ACVR1B: variants seen among roughly 807,000 people sequenced by gnomAD.
ACVR1B encodes the protein activin A receptor type 1B.
In ACVR1B, 15 loss-of-function variants were observed where a neutral mutation model predicts 55.6. The ratio of observed to expected loss-of-function variants is 0.27; its 90% CI spans 0.18 to 0.42. The LOEUF is 0.42. ACVR1B is among the 10% of genes least tolerant of loss of function. ACVR1B has a pLI of 1.00. For missense variants in ACVR1B, 359 were observed against 670.1 expected, an observed-to-expected ratio of 0.54 and a Z score of 5.13; for synonymous variants, 247 against 254.6, an observed-to-expected ratio of 0.97 and a Z score of 0.28.
rs761131576 is a variant in ACVR1B, at chr12:51,975,352, A to T, written c.179A>T (p.Asp60Val). 1 of 1,614,170 alleles carries T rather than the reference A, an allele frequency of 6.2e-7. No homozygotes were observed. Among genetic ancestry groups the T allele is most frequent in the Non-Finnish European group, 8.5e-7 (1 of 1,180,034 alleles). The part of the protein sequence containing the change: ...GACMVSIFNL[D>V]GMEHHVRTCI... ...TGCATGGTTTCCATTTTCAATCTGG[A>T]TGGGATGGAGCACCATGTGCGCACC... Residue 60 changes from aspartate to valine, a missense_variant, in exon 2 of 9, where the codon GAT becomes GTT. Asp to Val is a radical substitution (Grantham distance 152). Coordinates refer to ENST00000257963, the MANE Select transcript of ACVR1B (RefSeq NM_004302.5).
intron 1 of ACVR1B, among the ~76,000 whole-genome samples, chr12:51,961,574 TTC>T (rs1941527975): frequency 6.6e-6 from 1 of 152,210 alleles, no homozygotes; most frequent in African/African-American, 2.4e-5. Flanking sequence ...TTTGGCTGAT[TTC>T]TTTTTTCCTT....
chr12:51,961,135 G>C (rs1282527075), intron 1 of ACVR1B, among the ~76,000 whole-genome samples: 2 of 152,116 alleles, frequency 1.3e-5, no homozygotes, highest in Non-Finnish European at 2.9e-5. Context: ...CATCCTCTCT[G>C]CTTTTCCCCT....
At chr12:51,987,794 G>T (rs2120722112) in intron 7 of ACVR1B, 1 of 152,514 alleles carries the variant, frequency 6.6e-6, no homozygotes, top group Admixed American at 6.5e-5. Flanking sequence ...GCACCACAGG[G>T]TGACTATAGT....
chr12:51,962,520 C>A (rs1296587379), intron 1 of ACVR1B, among the ~76,000 whole-genome samples: 1 of 151,414 alleles, frequency 6.6e-6, no homozygotes, highest in East Asian at 1.9e-4. Context: ...GTCTTTTTTT[C>A]TTTTAACCAA....
At chr12:51,981,258 G>A in intron 4 of ACVR1B, 59 bp downstream of exon 4, 17 of 1,416,820 alleles carry the variant, frequency 1.2e-5, no homozygotes, top group Non-Finnish European at 1.6e-5. Flanking sequence ...AAAGTGCATA[G>A]CTATGGGGTG....
intron 3 of ACVR1B, 145 bp from the exon 4 acceptor site, chr12:51,980,824 G>T: frequency 1.5e-6 from 1 of 656,794 alleles, no homozygotes; most frequent in African/African-American, 1.8e-5. Context: ...AAATGTGTAT[G>T]GGCAGCAGCA....
At chr12:51,992,170 G>C in intron 8 of ACVR1B, 177 bp downstream of exon 8, 1 of 797,396 alleles carries the variant, frequency 1.3e-6, no homozygotes. Context: ...TCTTGTCCTG[G>C]ACCCTGTAGG....
At chr12:51,993,869 G>GTGGATC in intron 8 of ACVR1B, 116 bp from the exon 9 acceptor site, 1 of 1,311,200 alleles carries the variant, frequency 7.6e-7, no homozygotes, top group Non-Finnish European at 1.0e-6. Flanking sequence ...CCGGGTGGAT[G>GTGGATC]TGGATCTGCC....
At chr12:51,992,331 C>A in intron 8 of ACVR1B, 1 of 391,512 alleles carries the variant, frequency 2.6e-6, no homozygotes, top group Non-Finnish European at 4.6e-6. Context: ...GTGGGGAGAC[C>A]CCATCTCTAC....
rs145530385 is a variant in ACVR1B, at chr12:51,970,415, T to C, written c.92-4850T>C. Among the ~76,000 whole-genome samples the C allele has an allele frequency of 2.8e-3, 428 of 152,350 alleles. 5 individuals carry two copies. Among genetic ancestry groups the C allele is most frequent in the Admixed American group, 0.021 (325 of 15,300 alleles). ...AGACAGCTATACCTGCCTCAGCTCG[T>C]GAGTTCCTGTGGGGATCACAGGAGA... On this transcript the variant is annotated intron_variant, in intron 1 of 8. Transcript: ENST00000257963.
intron 4 of ACVR1B, chr12:51,982,787 G>A (rs1252482169): frequency 2.3e-5 from 35 of 1,527,786 alleles, no homozygotes; most frequent in Non-Finnish European, 2.7e-5. Context: ...AAGGGGAAGA[G>A]CAAGATTTTT....
chr12:51,975,493 G>A lies in ACVR1B; in HGVS notation c.320G>A (p.Arg107Lys). The A allele has an allele frequency of 1.2e-6, 2 of 1,613,966 alleles. No homozygotes were observed. The highest frequency in any genetic ancestry group is 1.7e-6 in the Non-Finnish European group (2 of 1,179,820). Reference protein sequence around the residue: ...YTDYCNRIDLRVPSGHLKEPE... With the variant: ...YTDYCNRIDLKVPSGHLKEPE... ...GACTACTGCAACAGGATCGACTTGA[G>A]GGTGCCCAGTGGTGAGTGCATGCCC... The change falls in exon 2 of 9, where the codon AGG becomes AAG. Residue 107 changes from arginine (R) to lysine (K), a missense_variant. Around this residue, in one of 5 missense-constraint regions of ACVR1B, gnomAD observed 133 missense variants for 188.2 expected, o/e 0.71. Coordinates refer to ENST00000257963, the MANE Select transcript of ACVR1B (RefSeq NM_004302.5).
intron 1 of ACVR1B, among the ~76,000 whole-genome samples, chr12:51,972,125 A>G (rs1941756347): frequency 6.6e-6 from 1 of 152,202 alleles, no homozygotes; most frequent in Non-Finnish European, 1.5e-5. Flanking sequence ...AAAATATATT[A>G]GCTGGGCGTG....
At position 51,985,340 on chromosome 12, in the gene ACVR1B, G is replaced by T; in HGVS notation, c.1128G>T (p.Gly376=). The T allele has an allele frequency of 6.2e-7, 1 of 1,611,624 alleles. No homozygotes were observed. Among genetic ancestry groups the T allele is most frequent in the South Asian group, 1.1e-5 (1 of 90,682 alleles). The change falls in exon 6 of 9, where the codon GGG becomes GGT. Residue 376 remains glycine (G), a synonymous_variant. Coordinates refer to ENST00000257963, the MANE Select transcript of ACVR1B (RefSeq NM_004302.5). ...TIDIAPNQRV[G]TKRYMAPEVL... ...ACATTGCCCCGAATCAGAGGGTGGG[G>T]ACCAAACGGTAGGAGGGCCTGGGAC...
chr12:51,992,537 C>T (rs756185023), intron 8 of ACVR1B, among the ~76,000 whole-genome samples: 1 of 152,178 alleles, frequency 6.6e-6, no homozygotes, highest in Non-Finnish European at 1.5e-5. Flanking sequence ...CTCCAAGACA[C>T]AGATGAGGGA....
At chr12:51,977,892 A>G (rs1941898433) in intron 3 of ACVR1B, among the ~76,000 whole-genome samples, 1 of 151,848 alleles carries the variant, frequency 6.6e-6, no homozygotes, top group Non-Finnish European at 1.5e-5. Context: ...ACATCCACAA[A>G]GATCACTGTT....
chr12:51,980,432 C>T (rs1941954455), intron 3 of ACVR1B, among the ~76,000 whole-genome samples: 1 of 152,166 alleles, frequency 6.6e-6, no homozygotes, highest in Non-Finnish European at 1.5e-5. Context: ...GATGGTCCTC[C>T]ATTCTACATC....
At chr12:51,955,577 T>A (rs1941390995) in intron 1 of ACVR1B, among the ~76,000 whole-genome samples, 1 of 152,276 alleles carries the variant, frequency 6.6e-6, no homozygotes, top group African/African-American at 2.4e-5. Flanking sequence ...TAAATTAGAA[T>A]ACTGAAGTGG....
chr12:51,953,102 A>G (rs1296778643), intron 1 of ACVR1B, among the ~76,000 whole-genome samples: 2 of 152,180 alleles, frequency 1.3e-5, no homozygotes, highest in Non-Finnish European at 2.9e-5. Context: ...GGGAGAGATG[A>G]TCAGGATTGT....
Sources: allele counts gnomAD v4.1 joint callset (sites outside exome capture counted in the v4.1 genomes callset), GRCh38; gene constraint gnomAD v4.1.1; regional missense constraint gnomAD v4.1.1; transcripts MANE v1.5; gene names NCBI Gene and HGNC (gene_info 2026-07-23, HGNC 2026-07-21).